The following ADAMTS17 variants were observed in gnomAD, a reference collection of about 807,000 sequenced individuals.
The protein encoded by ADAMTS17 is ADAM metallopeptidase with thrombospondin type 1 motif 17.
ADAMTS17 carries 113 observed loss-of-function variants against 141.5 expected under a neutral mutation model. The observed-to-expected ratio is 0.80, with a 90% CI of 0.69 to 0.93. ADAMTS17 has a LOEUF of 0.93. Among genes scored for constraint, ADAMTS17 ranks in the 40% least tolerant of loss-of-function variants. ADAMTS17 has a pLI of 0.00. For synonymous variants in ADAMTS17, 768 were observed against 630.6 expected (o/e 1.22, Z -3.27); for missense variants, 1,659 against 1,517.9 (o/e 1.09, Z -1.54).
At chr15:100,051,439 G>A (rs1003717197) in intron 17 of ADAMTS17, 133 bp downstream of exon 17, 18 of 1,289,244 alleles carry the variant, frequency 1.4e-5, no homozygotes, top group Non-Finnish European at 1.8e-5. Context: ...AGAGATTTTC[G>A]GTGGGATATG....
chr15:100,128,614 T>G (rs1362739275), intron 12 of ADAMTS17: 2 of 152,106 alleles, frequency 1.3e-5, no homozygotes, highest in Non-Finnish European at 2.9e-5. Flanking sequence ...GAGGACCTGA[T>G]GAAGAAGAAG....
Position 100,085,250 on chromosome 15 carries a change from G to A in ADAMTS17, c.2137+11106C>T, listed in dbSNP as rs563982180. Reference sequence around the variant, plus strand: ...ACTGGAAGAAAGGGTATCAGCGATGGAAGATGAAAGAATGAAATGAAGTGA... The same window carrying A: ...ACTGGAAGAAAGGGTATCAGCGATGAAAGATGAAAGAATGAAATGAAGTGA... On this transcript the variant is annotated intron_variant, in intron 15 of 21. Transcript: ENST00000268070. 2.6e-4 allele frequency among the ~76,000 whole-genome samples: 39 copies of A among 152,226 alleles called. No homozygotes were observed. The South Asian group carries it at 7.7e-3, about 30-fold the overall frequency.
chr15:100,226,681 T>C lies in ADAMTS17; in HGVS notation c.1076-27258A>G, dbSNP rs190951114. On this transcript the variant is annotated intron_variant, in intron 7 of 21. Coordinates refer to ENST00000268070, the MANE Select transcript of ADAMTS17 (RefSeq NM_139057.4). The stretch of plus-strand genomic sequence containing the variant: ...AGCAAACATGGGTGGAGATGGACCA[T>C]AAAAGACCTCAGAGGATGATCTCGG... Among the ~76,000 whole-genome samples the C allele has an allele frequency of 6.6e-5, 10 of 152,300 alleles. No individual in the cohort carries two copies. In the East Asian group the frequency reaches 9.6e-4, roughly 15 times the overall value.
chr15:100,096,512 A>T, intron 14 of ADAMTS17, 36 bp from the exon 15 acceptor site: 1 of 1,613,876 alleles, frequency 6.2e-7, no homozygotes, highest in Non-Finnish European at 8.5e-7. Context: ...TCTGTGGTTA[A>T]GACTCAGAGG....
chr15:99,987,249 C>T (rs2060608248), intron 20 of ADAMTS17, among the ~76,000 whole-genome samples: 1 of 152,232 alleles, frequency 6.6e-6, no homozygotes, highest in Non-Finnish European at 1.5e-5. Context: ...AAGCTTCCAT[C>T]TGCTGGAAGA....
chr15:100,155,306 T>G lies in ADAMTS17; in HGVS notation c.1196A>C (p.His399Pro), dbSNP rs778876632. ...AGCGCAAGATGAGTGGTCATCGTCG[T>G]GGTTCATGCCCAAGCTGTCCAAGAA... ...HELGHNLGMN[H>P]DDDHSSCAGR... Residue 399 changes from histidine to proline, a missense_variant, in exon 9 of 22, where the codon CAC becomes CCC. Coordinates refer to ENST00000268070, the MANE Select transcript of ADAMTS17 (RefSeq NM_139057.4). 6.2e-7 allele frequency: 1 copy of G among 1,613,910 alleles called. No homozygotes were observed. The highest frequency in any genetic ancestry group is 1.7e-5 in the Admixed American group (1 of 59,982).
chr15:100,013,700 A>G (rs1415044293), intron 18 of ADAMTS17, among the ~76,000 whole-genome samples: 3 of 152,194 alleles, frequency 2.0e-5, no homozygotes, highest in Non-Finnish European at 4.4e-5. Context: ...TGACTTGTGT[A>G]TATTAAATCA....
intron 15 of ADAMTS17, among the ~76,000 whole-genome samples, chr15:100,080,901 T>G (rs889705600): frequency 6.6e-6 from 1 of 152,214 alleles, no homozygotes; most frequent in Non-Finnish European, 1.5e-5. Context: ...ACCTTATTAT[T>G]GTCTTTATTT....
At chr15:99,987,338 C>CG (rs1457720281) in intron 20 of ADAMTS17, among the ~76,000 whole-genome samples, 1 of 152,190 alleles carries the variant, frequency 6.6e-6, no homozygotes, top group Non-Finnish European at 1.5e-5. Flanking sequence ...GCTGCTGCTG[C>CG]GGTGTTTGCC....
rs2046359221 is a variant in ADAMTS17 at position 100,341,315 on chromosome 15, C to T, written c.174G>A (p.Gly58=). The T allele has an allele frequency of 9.5e-7, 1 of 1,048,438 alleles. No individual in the cohort carries two copies. The highest frequency in any genetic ancestry group is 1.7e-5 in the African/African-American group (1 of 58,336). The allele number at this position is 1,048,438 out of a possible 1,614,324, so 64.9% of individuals were successfully genotyped here. A position where few individuals can be genotyped will look rare whatever the true frequency, so the allele number is the denominator to read the frequency against. ...VHLPPLPAAP[G]PRRRRRPRTP... ...TGCGGGGGCGTCGCCGCCGTCGGGG[C>T]CCGGGGGCTGCGGGCAGCGGCGGCA... The change falls in exon 2 of 22, where the codon GGG becomes GGA. Residue 58 remains glycine (G), a synonymous_variant. Transcript: ENST00000268070.
At chr15:100,183,310 T>C (rs1294848787) in intron 8 of ADAMTS17, among the ~76,000 whole-genome samples, 1 of 152,212 alleles carries the variant, frequency 6.6e-6, no homozygotes, top group Non-Finnish European at 1.5e-5. Context: ...TACAAGCTTA[T>C]ATCTTCCACA....
chr15:99,974,414 C>T lies in ADAMTS17; in HGVS notation c.3276G>A (p.Pro1092=), dbSNP rs746638782. ...TTGGGACTGCGTGTCACGAGTTCGG[C>T]GGTGGCTGGCGCATCTTGTTTGCAT... ...DFYANKMRQP[P]PNS The change falls in exon 22 of 22, where the codon CCG becomes CCA. Residue 1092 remains proline, a synonymous_variant. Transcript: ENST00000268070. 66 of 1,614,046 alleles carry T rather than the reference C, an allele frequency of 4.1e-5. No individual in the cohort carries two copies. In the Middle Eastern group the frequency reaches 6.6e-4, roughly 16 times the overall value.
intron 3 of ADAMTS17, chr15:100,306,524 C>A (rs760272623): frequency 8.8e-6 from 4 of 455,976 alleles, no homozygotes; most frequent in Non-Finnish European, 1.8e-5. Context: ...ACCTCCAGAT[C>A]ACTCCAGCCT....
Position 100,074,127 on chromosome 15 carries a change from T to A in ADAMTS17, c.2138-20073A>T, listed in dbSNP as rs947146888. 4 of 153,166 alleles carry A rather than the reference T, an allele frequency of 2.6e-5. No homozygotes were observed. The East Asian group carries it at 7.7e-4, about 29-fold the overall frequency. 9.5% of individuals were successfully genotyped at this position (153,166 alleles called of 1,614,324 possible). On this transcript the variant is annotated intron_variant, in intron 15 of 21. Coordinates refer to ENST00000268070, the MANE Select transcript of ADAMTS17 (RefSeq NM_139057.4). ...CACCCATCCAAGTACTAACCAGACC[T>A]GACCTTGCTTAGCTTCTGAGATCAG...
intron 18 of ADAMTS17, among the ~76,000 whole-genome samples, chr15:100,012,483 C>T (rs376227123): frequency 9.2e-5 from 14 of 152,250 alleles, no homozygotes; most frequent in Middle Eastern, 3.4e-3. Flanking sequence ...AAGGGTTTTT[C>T]CAACGTTATC....
At chr15:100,145,269 G>A (rs930221951) in intron 10 of ADAMTS17, among the ~76,000 whole-genome samples, 5 of 152,176 alleles carry the variant, frequency 3.3e-5, no homozygotes, top group African/African-American at 4.8e-5. Flanking sequence ...TAGGGCTTGG[G>A]AACATGAATG....
intron 8 of ADAMTS17, chr15:100,168,702 G>A (rs1349923422): frequency 6.6e-6 from 1 of 152,246 alleles, no homozygotes; most frequent in African/African-American, 2.4e-5. Context: ...GTTTCTTGCG[G>A]AGTGCTACAA....
At chr15:100,206,843 G>C (rs746176058) in intron 7 of ADAMTS17, among the ~76,000 whole-genome samples, 13 of 152,176 alleles carry the variant, frequency 8.5e-5, no homozygotes, top group Non-Finnish European at 1.5e-4. Flanking sequence ...GCTGTCTGAG[G>C]TGTGTGCCTA....
At chr15:100,338,363 T>G (rs1358897857) in intron 2 of ADAMTS17, among the ~76,000 whole-genome samples, 1 of 152,178 alleles carries the variant, frequency 6.6e-6, no homozygotes, top group Admixed American at 6.5e-5. Flanking sequence ...GAATAGAACG[T>G]GTGTGCCCCC....
Sources: allele counts gnomAD v4.1 joint callset (sites outside exome capture counted in the v4.1 genomes callset), GRCh38; gene constraint gnomAD v4.1.1; transcripts MANE v1.5; gene names NCBI Gene and HGNC (gene_info 2026-07-23, HGNC 2026-07-21).